The following VSNL1 variants were observed in gnomAD, a reference collection of about 807,000 sequenced individuals.
The protein encoded by VSNL1 is visinin like 1, also known as visinin-like protein 1.
In VSNL1, 6 loss-of-function variants were observed where a neutral mutation model predicts 20.4. The observed-to-expected ratio is 0.29, with a 90% CI of 0.16 to 0.58. The LOEUF (loss-of-function observed/expected upper bound fraction) is 0.58. Ranked by LOEUF, VSNL1 falls within the 20% of genes least tolerant of loss-of-function variation. The pLI is 0.90. For missense variants in VSNL1, 100 were observed against 234.5 expected, an observed-to-expected ratio of 0.43 and a Z score of 3.75; for synonymous variants, 93 against 86.4, an observed-to-expected ratio of 1.08 and a Z score of -0.42.
intron 2 of VSNL1, among the ~76,000 whole-genome samples, chr2:17,642,578 G>T (rs1247566105): frequency 6.6e-6 from 1 of 152,126 alleles, no homozygotes; most frequent in Non-Finnish European, 1.5e-5. Flanking sequence ...AAAGTGCTGG[G>T]ATTACAGGCA....
At chr2:17,584,845 C>A (rs888872287) in intron 1 of VSNL1, among the ~76,000 whole-genome samples, 2 of 150,564 alleles carry the variant, frequency 1.3e-5, no homozygotes, top group Non-Finnish European at 3.0e-5. Context: ...CCCTAACATA[C>A]TAACTCGCTA....
intron 2 of VSNL1, among the ~76,000 whole-genome samples, chr2:17,594,432 G>C (rs1391356214): frequency 6.6e-6 from 1 of 152,210 alleles, no homozygotes; most frequent in Non-Finnish European, 1.5e-5. Context: ...AAGAAAGGCG[G>C]ATCTGATAAG....
chr2:17,603,210 A>G (rs1041411354), intron 2 of VSNL1, among the ~76,000 whole-genome samples: 6 of 152,280 alleles, frequency 3.9e-5, no homozygotes, highest in African/African-American at 1.4e-4. Flanking sequence ...AACACCATAA[A>G]CCAAGTAGTG....
At chr2:17,590,072 A>T (rs1558291927) in intron 1 of VSNL1, among the ~76,000 whole-genome samples, 1 of 152,214 alleles carries the variant, frequency 6.6e-6, no homozygotes, top group African/African-American at 2.4e-5. Flanking sequence ...TATACAAGTT[A>T]CCATAAGCGT....
At chr2:17,559,378 G>A (rs1490483355) in intron 1 of VSNL1, among the ~76,000 whole-genome samples, 1 of 147,384 alleles carries the variant, frequency 6.8e-6, no homozygotes, top group African/African-American at 2.5e-5. Flanking sequence ...TGTTCAATTT[G>A]TTCTTTAAAA....
intron 1 of VSNL1, among the ~76,000 whole-genome samples, chr2:17,584,257 C>A (rs1572347271): frequency 6.6e-6 from 1 of 151,866 alleles, no homozygotes; most frequent in East Asian, 1.9e-4. Flanking sequence ...AAAAGGGATA[C>A]AAGGGAAACT....
chr2:17,630,935 C>A (rs1363230198), intron 2 of VSNL1, among the ~76,000 whole-genome samples: 8 of 152,158 alleles, frequency 5.3e-5, no homozygotes, highest in African/African-American at 1.7e-4. Flanking sequence ...GCACACAACA[C>A]CACGCCTGGC....
rs1558314361 is a variant in VSNL1 at position 17,655,454 on chromosome 2, T to TAC, written c.*60_*61insAC. ...CAATGTTCCATTCAGTCTGCAGCTA[T>TAC]TCACACACACACACACACACACACA... On this transcript the variant is annotated 3_prime_UTR_variant, in exon 4 of 4. Coordinates refer to ENST00000295156, the MANE Select transcript of VSNL1 (RefSeq NM_003385.5). This position sits in a 1 kb window ranked among gnomAD's most constrained non-coding sequence, Gnocchi z 5.2. The TAC allele has an allele frequency of 4.6e-5, 35 of 765,146 alleles. No individual in the cohort carries two copies. Among genetic ancestry groups the TAC allele is most frequent in the Middle Eastern group, 6.5e-4 (2 of 3,070 alleles). 47.4% of individuals were successfully genotyped at this position (765,146 alleles called of 1,614,324 possible).
chr2:17,586,692 CAG>C (rs1161054308), intron 1 of VSNL1, among the ~76,000 whole-genome samples: 4 of 152,312 alleles, frequency 2.6e-5, no homozygotes, highest in African/African-American at 7.2e-5. Flanking sequence ...CTTAGTTGTG[CAG>C]AGAGTTTTCT....
At chr2:17,546,957 T>G (rs1234164755) in intron 1 of VSNL1, among the ~76,000 whole-genome samples, 1 of 152,032 alleles carries the variant, frequency 6.6e-6, no homozygotes, top group Non-Finnish European at 1.5e-5. Flanking sequence ...TGAAGTAAAC[T>G]TAAATCCTAT....
At chr2:17,638,285 GT>G (rs1665801396) in intron 2 of VSNL1, among the ~76,000 whole-genome samples, 1 of 152,222 alleles carries the variant, frequency 6.6e-6, no homozygotes, top group Non-Finnish European at 1.5e-5. Context: ...TCATAGGATT[GT>G]TGGCGGATTA....
chr2:17,573,261 G>T (rs1664123362), intron 1 of VSNL1, among the ~76,000 whole-genome samples: 1 of 152,180 alleles, frequency 6.6e-6, no homozygotes, highest in Non-Finnish European at 1.5e-5. Flanking sequence ...AAACTGAAGA[G>T]AAAGGCATAA....
At chr2:17,552,213 C>A (rs7596944) in intron 1 of VSNL1, among the ~76,000 whole-genome samples, 38,968 of 136,816 alleles carry the variant, frequency 0.28, 7,164 homozygotes, top group East Asian at 0.87. Context: ...AAAAAAAAAA[C>A]AAAAAAAAAC....
At chr2:17,643,029 C>T (rs1665915295) in intron 2 of VSNL1, among the ~76,000 whole-genome samples, 1 of 152,074 alleles carries the variant, frequency 6.6e-6, no homozygotes, top group African/African-American at 2.4e-5. Context: ...CGAGGGTGTC[C>T]TTAACCTCCT....
chr2:17,638,605 A>C (rs1665812199), intron 2 of VSNL1, among the ~76,000 whole-genome samples: 1 of 152,228 alleles, frequency 6.6e-6, no homozygotes, highest in Non-Finnish European at 1.5e-5. Flanking sequence ...ACGATTAGAA[A>C]GTAGAGCGAG....
chr2:17,625,606 T>C (rs1043325598), intron 2 of VSNL1, among the ~76,000 whole-genome samples: 1 of 152,138 alleles, frequency 6.6e-6, no homozygotes, highest in Non-Finnish European at 1.5e-5. Flanking sequence ...CCAGCTCAGT[T>C]CAGTGCTCTC....
At chr2:17,573,126 A>AT (rs1664120216) in intron 1 of VSNL1, among the ~76,000 whole-genome samples, 1 of 152,212 alleles carries the variant, frequency 6.6e-6, no homozygotes, top group Admixed American at 6.5e-5. Flanking sequence ...TTGTTCATTC[A>AT]TTTGGCCATT....
intron 2 of VSNL1, among the ~76,000 whole-genome samples, chr2:17,629,997 A>G (rs543497264): frequency 1.8e-4 from 27 of 152,326 alleles, no homozygotes; most frequent in African/African-American, 6.3e-4. Context: ...AGTGAAGACA[A>G]CACCCAAAGG....
chr2:17,641,099 G>C lies in VSNL1; in HGVS notation c.163-8311G>C, dbSNP rs550805274. 7.9e-5 allele frequency among the ~76,000 whole-genome samples: 12 copies of C among 152,340 alleles called. No individual in the cohort carries two copies. The South Asian group carries it at 2.5e-3, about 32-fold the overall frequency. ...AGGGTTCTAATTGAGATGCAGCCAG[G>C]CTCAGTGTTCTCATCATTGTCACCA... On this transcript the variant is annotated intron_variant, in intron 2 of 3. Coordinates refer to ENST00000295156, the MANE Select transcript of VSNL1 (RefSeq NM_003385.5).
Sources: allele counts gnomAD v4.1 joint callset (sites outside exome capture counted in the v4.1 genomes callset), GRCh38; gene constraint gnomAD v4.1.1; non-coding constraint Gnocchi (gnomAD v3.1); transcripts MANE v1.5; gene names NCBI Gene and HGNC (gene_info 2026-07-23, HGNC 2026-07-21).